The following CAMKK1 variants were observed in gnomAD, a reference collection of about 807,000 sequenced individuals.
The protein encoded by CAMKK1 is calcium/calmodulin dependent protein kinase kinase 1.
A neutral mutation model predicts 63.5 loss-of-function variants in CAMKK1; 20 were observed. That is an observed-to-expected ratio of 0.32 (90% CI 0.22 to 0.46). The LOEUF (loss-of-function observed/expected upper bound fraction) is 0.46, where lower values mean the gene tolerates loss of function less well. CAMKK1 is among the 20% of genes least tolerant of loss of function. The pLI, the probability that CAMKK1 is intolerant of heterozygous loss-of-function variation, is 1.00. For synonymous variants in CAMKK1, 253 were observed against 269.0 expected (o/e 0.94, Z 0.58); for missense variants, 588 against 658.1 (o/e 0.89, Z 1.17).
Position 3,882,894 on chromosome 17 carries a change from C to T in CAMKK1, c.648+148G>A, listed in dbSNP as rs1360954521. On this transcript the variant is annotated intron_variant, in intron 6 of 15. Transcript: ENST00000348335. The surrounding 1 kb of genome is among the most constrained non-coding windows in gnomAD (Gnocchi z 4.3). ...CCCCCAAAGCCTTCCTGCAGCCCCA[C>T]CCCAAGTCTGGCCCTGTCCTCAGAG... 1.9e-6 allele frequency: 2 copies of T among 1,068,634 alleles called. No individual in the cohort carries two copies. The highest frequency in any genetic ancestry group is 1.6e-5 in the African/African-American group (1 of 62,754). 66.2% of individuals were successfully genotyped at this position (1,068,634 alleles called of 1,614,324 possible).
Position 3,883,133 on chromosome 17 carries a change from G to T in CAMKK1, c.557C>A (p.Pro186Gln), listed in dbSNP as rs575411196. The change falls in exon 6 of 16, where the codon CCA (proline) becomes CAA (glutamine). Residue 186 changes from proline to glutamine, a missense_variant. By Grantham distance (76) the Pro-to-Gln change is moderately conservative. This residue lies in a region of CAMKK1 where 357 missense variants were observed against 407.4 expected (regional missense o/e 0.88). Transcript: ENST00000348335. The surrounding 1 kb of genome is among the most constrained non-coding windows in gnomAD (Gnocchi z 4.7). ...PRGSQAAQGGPAKQLLPLERV... is the reference protein window; with the variant it reads ...PRGSQAAQGGQAKQLLPLERV... Reference sequence around the variant, plus strand: ...CTCCAGGGGCAGCAGCTGCTTGGCTGGTCCTCCCTGGGCAGCCTGGGACCC... The same window carrying T: ...CTCCAGGGGCAGCAGCTGCTTGGCTTGTCCTCCCTGGGCAGCCTGGGACCC... 6.2e-7 allele frequency: 1 copy of T among 1,612,958 alleles called. No individual in the cohort carries two copies. The highest frequency in any genetic ancestry group is 1.3e-5 in the African/African-American group (1 of 75,022).
intron 10 of CAMKK1, among the ~76,000 whole-genome samples, chr17:3,875,822 T>G (rs1430762213): frequency 6.6e-6 from 1 of 152,096 alleles, no homozygotes; most frequent in African/African-American, 2.4e-5. Flanking sequence ...GTTCTCTGGT[T>G]TATTCTCTAG....
intron 8 of CAMKK1, among the ~76,000 whole-genome samples, chr17:3,880,791 T>C (rs1200393625): frequency 6.6e-6 from 1 of 151,866 alleles, no homozygotes; most frequent in Non-Finnish European, 1.5e-5. Flanking sequence ...TGCTTTTTTT[T>C]TTTTTTCCTA....
In CAMKK1 at chr17:3,869,855, G is replaced by C. The variant is rs890519082; in HGVS notation, c.1158C>G (p.Ile386Met). The change falls in exon 13 of 16, where the codon ATC (isoleucine) becomes ATG (methionine). Residue 386 changes from isoleucine (I) to methionine (M), a missense_variant. Ile to Met is a conservative substitution (Grantham distance 10). Transcript: ENST00000348335. ...PEISEELKDL[I>M]LKMLDKNPET... is the part of the protein sequence containing the mutation. ...CGGGATTCTTGTCTAACATCTTCAGGATCAGGTCCTTGAGCTCCTCGCTGA... is the reference window on the plus strand; with the variant it reads ...CGGGATTCTTGTCTAACATCTTCAGCATCAGGTCCTTGAGCTCCTCGCTGA... The C allele has an allele frequency of 1.8e-5, 29 of 1,614,228 alleles. No individual in the cohort carries two copies. The highest frequency in any genetic ancestry group is 2.4e-5 in the Non-Finnish European group (28 of 1,180,048).
chr17:3,869,095 A>G (rs1488246165), intron 14 of CAMKK1, among the ~76,000 whole-genome samples: 1 of 150,250 alleles, frequency 6.7e-6, no homozygotes, highest in Non-Finnish European at 1.5e-5. Flanking sequence ...CAGCCTCCCG[A>G]GTAGCTGGGA....
In CAMKK1 at chr17:3,892,587, G is replaced by C. The variant is rs1230306712; in HGVS notation, c.-44+352C>G. Among the ~76,000 whole-genome samples, 2 of 152,178 alleles carry C rather than the reference G, an allele frequency of 1.3e-5. No homozygotes were observed. The highest frequency in any genetic ancestry group is 2.9e-5 in the Non-Finnish European group (2 of 68,026). On this transcript the variant is annotated intron_variant, in intron 1 of 15. Transcript: ENST00000348335. The surrounding 1 kb of genome is among the most constrained non-coding windows in gnomAD (Gnocchi z 7.5). ...GCGGAGAACCGCACGTGGGTGCCCC[G>C]GGCCGGGCCCACTCCGCACAGACGT...
In CAMKK1 at chr17:3,861,774, C is replaced by T. The variant is rs1196161698; in HGVS notation, c.*437G>A. On this transcript the variant is annotated 3_prime_UTR_variant, in exon 16 of 16. Coordinates refer to ENST00000348335, the MANE Select transcript of CAMKK1 (RefSeq NM_032294.3). The stretch of plus-strand genomic sequence containing the variant: ...AAGGTGGGCAGGGTACCCCCCTCTC[C>T]ACCATATGCCTGTGGCAGCTGAGCC... 2 of 200,596 alleles carry T rather than the reference C, an allele frequency of 1.0e-5. No homozygotes were observed. The highest frequency in any genetic ancestry group is 2.1e-5 in the Non-Finnish European group (2 of 96,552). 12.4% of individuals were successfully genotyped at this position (200,596 alleles called of 1,614,324 possible). A position where few individuals can be genotyped will look rare whatever the true frequency, so the allele number is the denominator to read the frequency against.
chr17:3,891,119 G>GGT (rs2055886953), intron 1 of CAMKK1, among the ~76,000 whole-genome samples: 1 of 150,914 alleles, frequency 6.6e-6, no homozygotes, highest in African/African-American at 2.4e-5. Flanking sequence ...TGGGGGGGGG[G>GGT]TCACAGGCTA....
chr17:3,871,781 G>A (rs1242589679), intron 12 of CAMKK1, among the ~76,000 whole-genome samples: 1 of 151,486 alleles, frequency 6.6e-6, no homozygotes, highest in East Asian at 1.9e-4. Flanking sequence ...GAGTAGCTGG[G>A]ACTACAGATG....
intron 9 of CAMKK1, chr17:3,880,114 A>G (rs2055340844): frequency 3.6e-6 from 2 of 561,996 alleles, no homozygotes; most frequent in African/African-American, 3.8e-5. Flanking sequence ...ACTCAGACCC[A>G]CAGGACCAGA....
chr17:3,890,777 G>A lies in CAMKK1; in HGVS notation c.-44+2162C>T, dbSNP rs760926974. ...TCAGTACAAGCTGTGCCTTCTGCCA[G>A]GAACACACCTCCCTCTCCTCTGCTG... On this transcript the variant is annotated intron_variant, in intron 1 of 15. Transcript: ENST00000348335. This position sits in a 1 kb window ranked among gnomAD's most constrained non-coding sequence, Gnocchi z 6.5. 4 of 779,768 alleles carry A rather than the reference G, an allele frequency of 5.1e-6. No individual in the cohort carries two copies. The South Asian group carries it at 5.4e-5, about 10-fold the overall frequency. 48.3% of individuals were successfully genotyped at this position (779,768 alleles called of 1,614,324 possible).
intron 13 of CAMKK1, 65 bp from the exon 14 acceptor site, chr17:3,869,680 G>T: frequency 6.2e-7 from 1 of 1,611,486 alleles, no homozygotes; most frequent in Non-Finnish European, 8.5e-7. Flanking sequence ...CACCTGGAGG[G>T]GTCCAAAGTC....
At chr17:3,867,828 C>A (rs1411983553) in intron 14 of CAMKK1, among the ~76,000 whole-genome samples, 1 of 152,176 alleles carries the variant, frequency 6.6e-6, no homozygotes, top group Non-Finnish European at 1.5e-5. Context: ...GGGCAGGGCT[C>A]TCAGTGGCCC....
intron 8 of CAMKK1, among the ~76,000 whole-genome samples, chr17:3,881,149 C>T (rs2055394353): frequency 6.6e-6 from 1 of 152,210 alleles, no homozygotes; most frequent in Non-Finnish European, 1.5e-5. Flanking sequence ...GAAGCCTGGG[C>T]TCCATCAGTG....
intron 14 of CAMKK1, among the ~76,000 whole-genome samples, chr17:3,866,353 T>C (rs1461946168): frequency 1.3e-5 from 2 of 152,222 alleles, no homozygotes; most frequent in Non-Finnish European, 2.9e-5. Context: ...CATGGAGGGA[T>C]GCTGTGCCAT....
chr17:3,883,905 G>C lies in CAMKK1; in HGVS notation c.441C>G (p.Asn147Lys), dbSNP rs776775275. The change falls in exon 4 of 16, where the codon AAC (asparagine) becomes AAG (lysine). Residue 147 changes from asparagine (N) to lysine (K), a missense_variant. Asn to Lys is a moderately conservative substitution (Grantham distance 94). Coordinates refer to ENST00000348335, the MANE Select transcript of CAMKK1 (RefSeq NM_032294.3). The surrounding 1 kb of genome is among the most constrained non-coding windows in gnomAD (Gnocchi z 4.7). ...GAYGVVRLAYNESEDRHYAMK... is the reference protein window; with the variant it reads ...GAYGVVRLAYKESEDRHYAMK... ...TCACATAGTGTCTGTCTTCACTTTC[G>C]TTGTAGGCCAGCCTCACCACACCGT... The C allele has an allele frequency of 3.1e-6, 5 of 1,613,644 alleles. No individual in the cohort carries two copies. Among genetic ancestry groups the C allele is most frequent in the Non-Finnish European group, 4.2e-6 (5 of 1,179,928 alleles).
intron 8 of CAMKK1, among the ~76,000 whole-genome samples, chr17:3,881,085 T>A (rs564870574): frequency 6.6e-6 from 1 of 152,284 alleles, no homozygotes; most frequent in Admixed American, 6.5e-5. Flanking sequence ...TGCTCATTAC[T>A]CCATGTCATC....
At chr17:3,875,471 G>A (rs911789841) in intron 10 of CAMKK1, among the ~76,000 whole-genome samples, 12 of 151,322 alleles carry the variant, frequency 7.9e-5, no homozygotes, top group African/African-American at 2.9e-4. Flanking sequence ...TTTTTTTGTA[G>A]AAATGGGGTC....
In CAMKK1 at chr17:3,884,192, G is replaced by A. The variant is rs541746742; in HGVS notation, c.408+188C>T. Among the ~76,000 whole-genome samples the A allele has an allele frequency of 3.9e-5, 6 of 152,174 alleles. No homozygotes were observed. The South Asian group carries it at 6.2e-4, about 16-fold the overall frequency. ...TCCACTGTCAAGAACTCAGAGAGTC[G>A]GGAATCAGGAGCCATCTTCCACCCT... On this transcript the variant is annotated intron_variant, in intron 3 of 15. Coordinates refer to ENST00000348335, the MANE Select transcript of CAMKK1 (RefSeq NM_032294.3). This position sits in a 1 kb window ranked among gnomAD's most constrained non-coding sequence, Gnocchi z 4.5.
Sources: gnomAD v4.1 joint callset for allele counts (sites outside exome capture counted in the v4.1 genomes callset) on GRCh38, gnomAD v4.1.1 for gene constraint, gnomAD v4.1.1 regional missense constraint, Gnocchi (gnomAD v3.1) non-coding constraint, MANE v1.5 for transcripts, NCBI Gene and HGNC (gene_info 2026-07-23, HGNC 2026-07-21) for gene names.